The following GYS1 variants were observed in gnomAD, a reference collection of about 807,000 sequenced individuals.
GYS1 encodes glycogen synthase 1, also known as glycogen [starch] synthase, muscle.
Under a neutral mutation model 89.1 loss-of-function variants are expected in GYS1, and 60 were observed. The observed-to-expected ratio is 0.67, with a 90% CI of 0.55 to 0.84. The LOEUF is 0.84. Ranked by LOEUF, GYS1 falls within the 40% of genes least tolerant of loss-of-function variation. GYS1 has a pLI of 0.00. For missense variants in GYS1, 888 were observed against 1,003.1 expected (o/e 0.89, Z 1.55); for synonymous variants, 366 against 401.7 (o/e 0.91, Z 1.06).
chr19:48,977,172 C>T (rs926145845), intron 10 of GYS1, among the ~76,000 whole-genome samples: 1 of 152,150 alleles, frequency 6.6e-6, no homozygotes, highest in Non-Finnish European at 1.5e-5. Context: ...GTGGCACAGT[C>T]ATGGCTCACT....
intron 12 of GYS1, 133 bp from the exon 13 acceptor site, chr19:48,971,156 C>A (rs2038559818): frequency 2.8e-6 from 2 of 723,844 alleles, no homozygotes; most frequent in East Asian, 2.7e-5. Context: ...CGTCGCTGAG[C>A]CCCCACAACC....
intron 3 of GYS1, among the ~76,000 whole-genome samples, chr19:48,986,688 G>T (rs115717235): frequency 0.039 from 5,954 of 151,774 alleles, 300 homozygotes; most frequent in African/African-American, 0.12. Context: ...TTTTTTGTAT[G>T]TTTAGTAAAG....
chr19:48,978,430 G>C (rs747513765), intron 8 of GYS1, among the ~76,000 whole-genome samples: 11 of 151,602 alleles, frequency 7.3e-5, no homozygotes, highest in Non-Finnish European at 1.5e-4. Flanking sequence ...TCTCCATGTT[G>C]GTCAGGCTGG....
chr19:48,981,286 A>C, intron 8 of GYS1: 1 of 484,050 alleles, frequency 2.1e-6, no homozygotes, highest in Non-Finnish European at 3.8e-6. Flanking sequence ...GGTGGTGTGC[A>C]CCTGTAGTCC....
intron 14 of GYS1, 28 bp from the exon 15 acceptor site, chr19:48,969,883 G>A (rs775021040): frequency 2.6e-6 from 4 of 1,550,254 alleles, no homozygotes; most frequent in Admixed American, 1.7e-5. Flanking sequence ...AGGGGGCAGA[G>A]GATGTGAGAG....
rs528385411 is a variant in GYS1 at position 48,990,240 on chromosome 19, C to T, written c.300+1062G>A. 8.5e-5 allele frequency among the ~76,000 whole-genome samples: 13 copies of T among 152,188 alleles called. No individual in the cohort carries two copies. The East Asian group carries it at 2.5e-3, about 29-fold the overall frequency. ...GCTTTCTCCTTGGACAACAGCGTGC[C>T]GCCTGATGGCTTTCTCCTTGGACAA... On this transcript the variant is annotated intron_variant, in intron 2 of 15. Transcript: ENST00000323798.
rs557797299 is a variant in GYS1 at position 48,982,648 on chromosome 19, C to A, written c.941+72G>T. On this transcript the variant is annotated intron_variant, in intron 6 of 15. Coordinates refer to ENST00000323798, the MANE Select transcript of GYS1 (RefSeq NM_002103.5). ...CAGGAGTCTGGGCCCCCAGCTGCCC[C>A]CTCCCCCAGACCTAGATGGTTAGGC... The A allele has an allele frequency of 4.1e-5, 47 of 1,149,660 alleles. No individual in the cohort carries two copies. In the African/African-American group the frequency reaches 6.5e-4, roughly 16 times the overall value. 71.2% of individuals were successfully genotyped at this position (1,149,660 alleles called of 1,614,324 possible). A position where few individuals can be genotyped will look rare whatever the true frequency, so the allele number is the denominator to read the frequency against.
rs974018415 is a variant in GYS1, at chr19:48,969,058, C to T, written c.*230G>A. 5 of 650,020 alleles carry T rather than the reference C, an allele frequency of 7.7e-6. No individual in the cohort carries two copies. Among genetic ancestry groups the T allele is most frequent in the East Asian group, 2.8e-5 (1 of 36,106 alleles). The allele number at this position is 650,020 out of a possible 1,614,324, so 40.3% of individuals were successfully genotyped here. On this transcript the variant is annotated 3_prime_UTR_variant, in exon 16 of 16. Transcript: ENST00000323798. Reference sequence around the variant, plus strand: ...GGTCCAGGCCCAGGGGACTCCAGGGCGCTGATTATGCATATTCTGGAGCCA... The same window carrying T: ...GGTCCAGGCCCAGGGGACTCCAGGGTGCTGATTATGCATATTCTGGAGCCA...
In GYS1 at chr19:48,993,276, TG is replaced by T; in HGVS notation, c.-165del. 1.4e-6 allele frequency: 1 copy of T among 721,428 alleles called. No homozygotes were observed. The highest frequency in any genetic ancestry group is 1.4e-5 in the South Asian group (1 of 71,730). 44.7% of individuals were successfully genotyped at this position (721,428 alleles called of 1,614,324 possible). On this transcript the variant is annotated 5_prime_UTR_variant, in exon 1 of 16. Transcript: ENST00000323798. Reference sequence around the variant, plus strand: ...AGACCGCACCCCTGCCCCGAAGCGTTGGGACCTAGGCAGAAGGAGGCCGCAG... The same window carrying T: ...AGACCGCACCCCTGCCCCGAAGCGTTGGACCTAGGCAGAAGGAGGCCGCAG...
chr19:48,972,293 C>A (rs887392984), intron 12 of GYS1, among the ~76,000 whole-genome samples: 4 of 151,498 alleles, frequency 2.6e-5, no homozygotes, highest in Non-Finnish European at 5.9e-5. Flanking sequence ...CAAGACTGTG[C>A]CACTGCACTC....
rs111527517 is a variant in GYS1 at position 48,976,188 on chromosome 19, C to A, written c.1309-1455G>T. Among the ~76,000 whole-genome samples the A allele has an allele frequency of 3.6e-3, 542 of 152,208 alleles. 5 individuals carry two copies. The highest frequency in any genetic ancestry group is 0.012 in the African/African-American group (518 of 41,538). ...GAAACATTCATAATGAGGTGGGCTG[C>A]TTTAGGGACTATTGGAAATTATAGG... On this transcript the variant is annotated intron_variant, in intron 10 of 15. Transcript: ENST00000323798.
At position 48,968,307 on chromosome 19, in the gene GYS1, G is replaced by A. The variant is rs561316785; in HGVS notation, c.*981C>T. On this transcript the variant is annotated 3_prime_UTR_variant, in exon 16 of 16. Coordinates refer to ENST00000323798, the MANE Select transcript of GYS1 (RefSeq NM_002103.5). ...CACAGTTTGGGGATGGAAGAGCCTCGAGGTAAATGTGGGGGTTCTAGAACC... is the reference window on the plus strand; with the variant it reads ...CACAGTTTGGGGATGGAAGAGCCTCAAGGTAAATGTGGGGGTTCTAGAACC... The A allele has an allele frequency of 6.4e-5, 29 of 454,466 alleles. No individual in the cohort carries two copies. The highest frequency in any genetic ancestry group is 1.1e-4 in the Non-Finnish European group (26 of 226,776). 28.2% of individuals were successfully genotyped at this position (454,466 alleles called of 1,614,324 possible). A position where few individuals can be genotyped will look rare whatever the true frequency, so the allele number is the denominator to read the frequency against.
chr19:48,982,223 C>T, intron 7 of GYS1, 32 bp downstream of exon 7: 2 of 1,611,006 alleles, frequency 1.2e-6, no homozygotes. Flanking sequence ...GCTTTGCTTG[C>T]CCTCCCTGTC....
intron 10 of GYS1, among the ~76,000 whole-genome samples, chr19:48,975,266 G>C (rs1298918323): frequency 1.3e-5 from 2 of 148,666 alleles, no homozygotes; most frequent in Non-Finnish European, 3.0e-5. Flanking sequence ...TAGAGATGGG[G>C]TTTCACTATG....
In GYS1 at chr19:48,985,908, G is replaced by A. The variant is rs760191000; in HGVS notation, c.620C>T (p.Thr207Met). The A allele has an allele frequency of 9.3e-6, 15 of 1,614,018 alleles. No individual in the cohort carries two copies. The highest frequency in any genetic ancestry group is 6.7e-5 in the Admixed American group (4 of 60,006). The change falls in exon 4 of 16, where the codon ACG (threonine) becomes ATG (methionine). Residue 207 changes from threonine (T) to methionine (M), a missense_variant. By Grantham distance (81) the Thr-to-Met change is moderately conservative. Coordinates refer to ENST00000323798, the MANE Select transcript of GYS1 (RefSeq NM_002103.5). ...GGCACACAGGTAGCGCCCCAGCAGC[G>A]TGGCATGGGTGGTGAAGATGGTTGC... Reference protein sequence around the residue: ...PVATIFTTHATLLGRYLCAGA... With the variant: ...PVATIFTTHAMLLGRYLCAGA...
At chr19:48,988,893 C>T (rs1440444689) in intron 2 of GYS1, among the ~76,000 whole-genome samples, 2 of 152,140 alleles carry the variant, frequency 1.3e-5, no homozygotes, top group Non-Finnish European at 2.9e-5. Flanking sequence ...CTACTGCACC[C>T]AGCCTGTAAT....
At position 48,970,076 on chromosome 19, in the gene GYS1, A is replaced by G. The variant is rs139854086; in HGVS notation, c.1810-221T>C. Among the ~76,000 whole-genome samples, 295 of 152,206 alleles carry G rather than the reference A, an allele frequency of 1.9e-3. 1 individual carries two copies. The highest frequency in any genetic ancestry group is 6.7e-3 in the African/African-American group (277 of 41,514). ...CAAACAGGGGCCGAATTCTCAAGTGAGTCTCCTCTTTGGCCACACCCTTAT... is the reference window on the plus strand; with the variant it reads ...CAAACAGGGGCCGAATTCTCAAGTGGGTCTCCTCTTTGGCCACACCCTTAT... On this transcript the variant is annotated intron_variant, in intron 14 of 15. Transcript: ENST00000323798.
chr19:48,981,511 C>A lies in GYS1; in HGVS notation c.1169+19G>T, dbSNP rs376999046. The A allele has an allele frequency of 1.4e-6, 2 of 1,416,630 alleles. No individual in the cohort carries two copies. The highest frequency in any genetic ancestry group is 2.0e-6 in the Non-Finnish European group (2 of 999,662). The allele number at this position is 1,416,630 out of a possible 1,614,324, so 87.8% of individuals were successfully genotyped here. On this transcript the variant is annotated intron_variant, in intron 8 of 15. Transcript: ENST00000323798. ...TCTGGGAGTGGGCTGCGCCAGGGGC[C>A]GGAGCGAGGGCTGCTAACCAAAGCT...
At chr19:48,970,413 G>A (rs1365201647) in intron 14 of GYS1, 133 bp downstream of exon 14, 1 of 758,934 alleles carries the variant, frequency 1.3e-6, no homozygotes, top group Admixed American at 2.1e-5. Flanking sequence ...AGCCACCATC[G>A]CGATCGGCCT....
Sources: gnomAD v4.1 joint callset for allele counts (sites outside exome capture counted in the v4.1 genomes callset) on GRCh38, gnomAD v4.1.1 for gene constraint, MANE v1.5 for transcripts, NCBI Gene and HGNC (gene_info 2026-07-23, HGNC 2026-07-21) for gene names.